Variants in CCDC30 observed in about 807,000 individuals in gnomAD.
CCDC30 encodes coiled-coil domain-containing protein 30.
CCDC30 carries 70 observed loss-of-function variants against 100.2 expected under a neutral mutation model. The observed-to-expected ratio is 0.70, with a 90% CI of 0.58 to 0.85. The LOEUF is 0.85. CCDC30 is among the 40% of genes least tolerant of loss of function. The pLI, the probability that CCDC30 is intolerant of heterozygous loss-of-function variation, is 0.00. For missense variants in CCDC30, 652 were observed against 771.2 expected (o/e 0.85, Z 1.83); for synonymous variants, 233 against 269.5 (o/e 0.86, Z 1.33).
At chr1:42,549,020 C>T (rs891247054) in intron 6 of CCDC30, among the ~76,000 whole-genome samples, 3 of 152,070 alleles carry the variant, frequency 2.0e-5, no homozygotes, top group Admixed American at 6.6e-5. Flanking sequence ...CATAGAGTAA[C>T]GGACTCTTAG....
chr1:42,473,199 ACT>A, intron 1 of CCDC30: 1 of 1,231,216 alleles, frequency 8.1e-7, no homozygotes, highest in Non-Finnish European at 1.0e-6. Flanking sequence ...CAGAAGAACA[ACT>A]CTGTTTGGTG....
intron 6 of CCDC30, among the ~76,000 whole-genome samples, chr1:42,502,199 T>C (rs567305703): frequency 1.5e-3 from 234 of 152,266 alleles, no homozygotes; most frequent in Non-Finnish European, 1.4e-3. Flanking sequence ...TGCAGTTCGA[T>C]CTCAGACTGC....
chr1:42,462,120 ACAAT>A (rs148299501), upstream of CCDC30, among the ~76,000 whole-genome samples: 5,171 of 152,292 alleles, frequency 0.034, 86 homozygotes, highest in African/African-American at 0.047. Context: ...ACGCTTAAAA[ACAAT>A]CAGTGTTCTA....
chr1:42,466,505 C>T (rs1400201544), intron 1 of CCDC30, among the ~76,000 whole-genome samples: 2 of 151,714 alleles, frequency 1.3e-5, no homozygotes, highest in African/African-American at 2.4e-5. Flanking sequence ...TGAGCATTTA[C>T]TTAGTATCTA....
chr1:42,637,445 T>C, intron 12 of CCDC30, 67 bp downstream of exon 16: 1 of 1,477,928 alleles, frequency 6.8e-7, no homozygotes, highest in Non-Finnish European at 9.2e-7. Flanking sequence ...GGAGAAAGCC[T>C]TTTCATTTTA....
intron 6 of CCDC30, among the ~76,000 whole-genome samples, chr1:42,514,838 A>G (rs773029182): frequency 1.3e-5 from 2 of 152,112 alleles, no homozygotes; most frequent in African/African-American, 2.4e-5. Flanking sequence ...ATTTTTGTAT[A>G]GATGGGGTTT....
intron 10 of CCDC30, among the ~76,000 whole-genome samples, chr1:42,609,839 G>A (rs1485424367): frequency 2.0e-5 from 3 of 152,184 alleles, no homozygotes; most frequent in Non-Finnish European, 2.9e-5. Flanking sequence ...GAGAGGCACT[G>A]TAATTCTCAG....
chr1:42,478,494 C>A (rs1643908304), intron 1 of CCDC30, among the ~76,000 whole-genome samples: 1 of 152,146 alleles, frequency 6.6e-6, no homozygotes, highest in African/African-American at 2.4e-5. Context: ...CACGGTGGCT[C>A]ACGCCTGTAA....
At chr1:42,617,063 A>G (rs76885711) in intron 11 of CCDC30, among the ~76,000 whole-genome samples, 75 of 152,314 alleles carry the variant, frequency 4.9e-4, no homozygotes, top group Non-Finnish European at 9.7e-4. Context: ...TTATAAAAGG[A>G]ATTAGAAGGA....
intron 7 of CCDC30, among the ~76,000 whole-genome samples, chr1:42,575,567 G>A (rs573399549): frequency 4.1e-5 from 6 of 144,978 alleles, no homozygotes; most frequent in African/African-American, 7.7e-5. Flanking sequence ...GGAGAATGGC[G>A]TGAACCCGGG....
At chr1:42,623,555 T>C (rs1228417412) in intron 11 of CCDC30, among the ~76,000 whole-genome samples, 1 of 152,186 alleles carries the variant, frequency 6.6e-6, no homozygotes, top group Non-Finnish European at 1.5e-5. Flanking sequence ...GGTGTGTGGA[T>C]TTGTTTCTGG....
At chr1:42,641,687 C>T (rs1269446625) in intron 12 of CCDC30, among the ~76,000 whole-genome samples, 1 of 151,824 alleles carries the variant, frequency 6.6e-6, no homozygotes, top group African/African-American at 2.4e-5. Context: ...GCCAACATGG[C>T]GAAACCCTGT....
upstream of CCDC30, chr1:42,460,294 A>G (rs902956193): frequency 1.4e-5 from 14 of 1,006,406 alleles, no homozygotes; most frequent in African/African-American, 2.2e-4. Context: ...TATGTATGTC[A>G]GGCCCTGTGC....
intron 6 of CCDC30, among the ~76,000 whole-genome samples, chr1:42,555,764 G>A (rs1461928298): frequency 6.6e-6 from 1 of 152,120 alleles, no homozygotes; most frequent in Non-Finnish European, 1.5e-5. Context: ...TTGACTCACT[G>A]CAACCTCCAC....
chr1:42,487,925 G>A (rs1644077266), intron 3 of CCDC30, among the ~76,000 whole-genome samples: 1 of 152,114 alleles, frequency 6.6e-6, no homozygotes, highest in Non-Finnish European at 1.5e-5. Flanking sequence ...CCGGACTCCT[G>A]ACCTAGAGAA....
In CCDC30 at chr1:42,618,229, C is replaced by CTTTTTTTTTT. The variant is rs563022326; in HGVS notation, c.1277+7154_1277+7163dup. 4.8e-4 allele frequency among the ~76,000 whole-genome samples: 43 copies of CTTTTTTTTTT among 90,460 alleles called. 1 individual carries two copies. The highest frequency in any genetic ancestry group is 5.4e-4 in the Non-Finnish European group (26 of 47,716). 59.3% of individuals were successfully genotyped at this position (90,460 alleles called of 152,430 possible). ...GGAGGATGTTGAAAACCAGTGATAT[C>CTTTTTTTTTT]TTTTTTTTTTTTTTTTTTTTTTTTG... On this transcript the variant is annotated intron_variant, in intron 11 of 16. Coordinates refer to ENST00000668663, the Ensembl canonical transcript of CCDC30.
chr1:42,546,968 A>G (rs928143815), intron 6 of CCDC30, among the ~76,000 whole-genome samples: 1 of 152,226 alleles, frequency 6.6e-6, no homozygotes, highest in Non-Finnish European at 1.5e-5. Context: ...GTGAGAAAAT[A>G]TAGTCTAGAT....
chr1:42,472,834 A>G (rs747466126), intron 1 of CCDC30, among the ~76,000 whole-genome samples: 4 of 152,192 alleles, frequency 2.6e-5, no homozygotes, highest in African/African-American at 9.7e-5. Context: ...AGTCATATAT[A>G]CATAGACTTC....
rs114592672 is a variant in CCDC30 at position 42,557,213 on chromosome 1, A to G, written c.457-9083A>G. ...TTAGAAAAAGAGTAGCAATAAAGGA[A>G]GTTAAAAAATATATTTGAAAGGATT... On this transcript the variant is annotated intron_variant, in intron 6 of 16. Coordinates refer to ENST00000668663, the Ensembl canonical transcript of CCDC30. Among the ~76,000 whole-genome samples, 804 of 152,358 alleles carry G rather than the reference A, an allele frequency of 5.3e-3. 5 individuals are homozygous for G. The highest frequency in any genetic ancestry group is 0.018 in the African/African-American group (751 of 41,576).
Sources: allele counts gnomAD v4.1 joint callset (sites outside exome capture counted in the v4.1 genomes callset), GRCh38; gene constraint gnomAD v4.1.1; transcripts MANE v1.5; gene names NCBI Gene and HGNC (gene_info 2026-07-23, HGNC 2026-07-21).